The following YAF2 variants were observed in gnomAD, a reference collection of about 807,000 sequenced individuals.
YAF2 encodes the protein YY1 associated factor 2.
In YAF2, 7 loss-of-function variants were observed where a neutral mutation model predicts 20.1. The ratio of observed to expected loss-of-function variants is 0.35; its 90% CI spans 0.20 to 0.65. YAF2 has a LOEUF of 0.65. Among genes scored for constraint, YAF2 ranks in the 30% least tolerant of loss-of-function variants. The pLI is 0.69. For synonymous variants in YAF2, 74 were observed against 76.0 expected (o/e 0.97, Z 0.14); for missense variants, 151 against 219.2 (o/e 0.69, Z 1.96).
rs2065740018 is a variant in YAF2, at chr12:42,158,336, A to T, written c.*2253T>A. On this transcript the variant is annotated 3_prime_UTR_variant, in exon 4 of 4. Transcript: ENST00000534854. The stretch of plus-strand genomic sequence containing the variant: ...CACTGAAAATTTAGTGAAATCTATA[A>T]AACACTATTACTTTAGGTCATCCAA... The T allele has an allele frequency of 6.6e-6, 1 of 152,194 alleles. No homozygotes were observed. The highest frequency in any genetic ancestry group is 2.1e-4 in the South Asian group (1 of 4,830). The allele number at this position is 152,194 out of a possible 1,614,324, so 9.4% of individuals were successfully genotyped here. A position where few individuals can be genotyped will look rare whatever the true frequency, so the allele number is the denominator to read the frequency against.
intron 2 of YAF2, among the ~76,000 whole-genome samples, chr12:42,180,223 T>C (rs1367733153): frequency 2.0e-5 from 3 of 152,256 alleles, no homozygotes; most frequent in Admixed American, 6.5e-5. Context: ...CAAAAACCGA[T>C]TGGATGTCAT....
At position 42,237,617 on chromosome 12, in the gene YAF2, CG is replaced by C; in HGVS notation, c.133del (p.Arg45GlyfsTer38). ...EAFKCMMCDV[R>X]KGTSTRKPRP... ...GACTCACCGGGTGGAGGTGCCCTTC[CG>C]CACATCGCACATCATGCACTTGAAG... On this transcript the variant is annotated frameshift_variant, in exon 2 of 4. Coordinates refer to ENST00000534854, the MANE Select transcript of YAF2 (RefSeq NM_005748.6). LOFTEE classifies it high-confidence loss of function. 6.5e-7 allele frequency: 1 copy of C among 1,544,438 alleles called. No individual in the cohort carries two copies. Among genetic ancestry groups the C allele is most frequent in the Admixed American group, 2.0e-5 (1 of 50,072 alleles).
At chr12:42,200,167 G>A (rs533282742) in intron 2 of YAF2, among the ~76,000 whole-genome samples, 7 of 152,166 alleles carry the variant, frequency 4.6e-5, no homozygotes, top group African/African-American at 7.2e-5. Context: ...TGGTAGTTTC[G>A]TAAAATAATA....
intron 2 of YAF2, among the ~76,000 whole-genome samples, chr12:42,206,297 T>TAAAAA (rs33934066): frequency 3.8e-5 from 5 of 130,990 alleles, no homozygotes; most frequent in Non-Finnish European, 8.0e-5. Flanking sequence ...TGCTCTTAGT[T>TAAAAA]AAAAAAAAAA....
At chr12:42,230,159 A>G (rs1320051645) in intron 2 of YAF2, among the ~76,000 whole-genome samples, 1 of 152,218 alleles carries the variant, frequency 6.6e-6, no homozygotes, top group African/African-American at 2.4e-5. Context: ...CAGGAGGCTG[A>G]GGCAGGAGAA....
intron 2 of YAF2, among the ~76,000 whole-genome samples, chr12:42,178,283 G>C (rs1490131479): frequency 6.6e-6 from 1 of 151,670 alleles, no homozygotes; most frequent in Non-Finnish European, 1.5e-5. Context: ...CTATACTTGG[G>C]CCCCCACCCA....
chr12:42,179,315 C>G lies in YAF2; in HGVS notation c.153-17550G>C, dbSNP rs572150135. Among the ~76,000 whole-genome samples the G allele has an allele frequency of 1.9e-4, 29 of 152,190 alleles. 1 individual carries two copies. The highest frequency in any genetic ancestry group is 3.3e-4 in the Admixed American group (5 of 15,290). On this transcript the variant is annotated intron_variant, in intron 2 of 3. Coordinates refer to ENST00000534854, the MANE Select transcript of YAF2 (RefSeq NM_005748.6). Reference sequence around the variant, plus strand: ...TGAAACCCCGTCTCTACTAAAAATACAAAAATTAGCAGAGCTTGGTGGCGT... The same window carrying G: ...TGAAACCCCGTCTCTACTAAAAATAGAAAAATTAGCAGAGCTTGGTGGCGT...
Position 42,237,711 on chromosome 12 carries a change from G to A in YAF2, c.40C>T (p.Pro14Ser), listed in dbSNP as rs202147527. Reference sequence around the variant, plus strand: ...TAACCCTCATCCGAGGACGGCTTCGGCTGCCGCTTCGGCCTGCAGGACACA... The same window carrying A: ...TAACCCTCATCCGAGGACGGCTTCGACTGCCGCTTCGGCCTGCAGGACACA... ...KKSPTRPKRQ[P>S]KPSSDEGYWD... is the part of the protein sequence containing the mutation. The change falls in exon 2 of 4, where the codon CCG becomes TCG. Residue 14 changes from proline (P) to serine (S), a missense_variant. Physicochemically the swap from Pro to Ser is moderately conservative, Grantham distance 74. Transcript: ENST00000534854. 6.4e-7 allele frequency: 1 copy of A among 1,564,824 alleles called. No individual in the cohort carries two copies. Among genetic ancestry groups the A allele is most frequent in the Admixed American group, 1.9e-5 (1 of 53,860 alleles).
At position 42,216,677 on chromosome 12, in the gene YAF2, A is replaced by G. The variant is rs540694437; in HGVS notation, c.152+20922T>C. Among the ~76,000 whole-genome samples the G allele has an allele frequency of 2.6e-5, 4 of 152,200 alleles. No individual in the cohort carries two copies. The East Asian group carries it at 7.7e-4, about 29-fold the overall frequency. ...AATCATGTGTACAAATGACTATCAA[A>G]TATGTATTTACAGCCCTTTTCTCCT... On this transcript the variant is annotated intron_variant, in intron 2 of 3. Transcript: ENST00000534854.
At chr12:42,234,470 C>T (rs1252736876) in intron 2 of YAF2, 1 of 978,914 alleles carries the variant, frequency 1.0e-6, no homozygotes, top group Non-Finnish European at 1.2e-6. Context: ...TGCAATATAC[C>T]CAAGTAACAA....
chr12:42,200,156 C>A (rs896357015), intron 2 of YAF2, among the ~76,000 whole-genome samples: 1 of 152,300 alleles, frequency 6.6e-6, no homozygotes, highest in East Asian at 1.9e-4. Flanking sequence ...AGTTTACACT[C>A]TGGTAGTTTC....
At chr12:42,211,067 T>A (rs2067193723) in intron 2 of YAF2, among the ~76,000 whole-genome samples, 1 of 152,218 alleles carries the variant, frequency 6.6e-6, no homozygotes, top group African/African-American at 2.4e-5. Context: ...GAAGCCACCA[T>A]AGTGGACTAA....
At chr12:42,226,201 A>T (rs1244972626) in intron 2 of YAF2, among the ~76,000 whole-genome samples, 2 of 152,334 alleles carry the variant, frequency 1.3e-5, no homozygotes, top group South Asian at 4.1e-4. Context: ...GGTTTATTTT[A>T]GTCAAGAAAC....
chr12:42,204,491 G>A (rs1014195950), intron 2 of YAF2, among the ~76,000 whole-genome samples: 10 of 152,228 alleles, frequency 6.6e-5, no homozygotes, highest in Admixed American at 6.5e-4. Flanking sequence ...GATATTAAAA[G>A]TAATCTAGAG....
At chr12:42,227,793 G>A (rs1156512001) in intron 2 of YAF2, among the ~76,000 whole-genome samples, 1 of 147,726 alleles carries the variant, frequency 6.8e-6, no homozygotes, top group Non-Finnish European at 1.5e-5. Context: ...CCGGGAGGGA[G>A]GTGGGGGGGT....
intron 2 of YAF2, among the ~76,000 whole-genome samples, chr12:42,192,831 T>C (rs1007267265): frequency 1.3e-5 from 2 of 152,198 alleles, no homozygotes; most frequent in African/African-American, 2.4e-5. Context: ...TTTAAGCATA[T>C]AGTCACACGT....
chr12:42,218,440 T>C (rs111320230), intron 2 of YAF2, among the ~76,000 whole-genome samples: 18 of 152,338 alleles, frequency 1.2e-4, no homozygotes, highest in Non-Finnish European at 1.9e-4. Flanking sequence ...AAAATGTTAT[T>C]GCCTATTTTA....
At chr12:42,235,052 T>C (rs2068104495) in intron 2 of YAF2, 2 of 985,302 alleles carry the variant, frequency 2.0e-6, no homozygotes, top group South Asian at 9.4e-5. Context: ...TCTCTGCAGG[T>C]CTAAAAAGAA....
At chr12:42,218,334 T>C (rs181221415) in intron 2 of YAF2, among the ~76,000 whole-genome samples, 1 of 152,254 alleles carries the variant, frequency 6.6e-6, no homozygotes, top group East Asian at 1.9e-4. Flanking sequence ...TATGCAAGTA[T>C]ACATTTCCCT....
Sources: gnomAD v4.1 joint callset for allele counts (sites outside exome capture counted in the v4.1 genomes callset) on GRCh38, gnomAD v4.1.1 for gene constraint, MANE v1.5 for transcripts, NCBI Gene and HGNC (gene_info 2026-07-23, HGNC 2026-07-21) for gene names.